CDIN1: variants seen among roughly 807,000 people sequenced by gnomAD.
CDIN1 encodes the protein CDAN1 interacting nuclease 1, also known as CDAN1-interacting nuclease 1.
Under a neutral mutation model 45.3 loss-of-function variants are expected in CDIN1, and 33 were observed. The ratio of observed to expected loss-of-function variants is 0.73; its 90% CI spans 0.55 to 0.97. The LOEUF (loss-of-function observed/expected upper bound fraction) is 0.97, where lower values mean the gene tolerates loss of function less well. CDIN1 is among the 50% of genes least tolerant of loss of function. The probability of loss-of-function intolerance (pLI) is 0.00; values close to 1 mark genes in which losing one functional copy is unlikely to be tolerated. For synonymous variants in CDIN1, 118 were observed against 124.4 expected, an observed-to-expected ratio of 0.95 and a Z score of 0.34; for missense variants, 303 against 339.4, an observed-to-expected ratio of 0.89 and a Z score of 0.84.
intron 10 of CDIN1, among the ~76,000 whole-genome samples, chr15:36,722,001 C>G (rs969736874): frequency 6.6e-6 from 1 of 152,088 alleles, no homozygotes; most frequent in Non-Finnish European, 1.5e-5. Flanking sequence ...TCCCATCACT[C>G]TGGGATTACT....
rs1170380164 is a variant in CDIN1, at chr15:36,800,788, G to A, written c.717-7536G>A. 5.3e-5 allele frequency among the ~76,000 whole-genome samples: 8 copies of A among 150,148 alleles called. No homozygotes were observed. In the Admixed American group the frequency reaches 5.3e-4, roughly 10 times the overall value. ...CACATGTCTGCACACATCCTCAGAA[G>A]ATAGCACAGACCCCACACAGCAACT... is the stretch of plus-strand genomic sequence containing the variant. On this transcript the variant is annotated intron_variant, in intron 10 of 10. Coordinates refer to ENST00000566621, the MANE Select transcript of CDIN1 (RefSeq NM_001321759.2).
intron 10 of CDIN1, among the ~76,000 whole-genome samples, chr15:36,776,228 C>T (rs966948445): frequency 1.2e-4 from 18 of 152,326 alleles, no homozygotes; most frequent in East Asian, 1.9e-4. Flanking sequence ...AGTCTTACCT[C>T]ACAGATTTAG....
intron 1 of CDIN1, among the ~76,000 whole-genome samples, chr15:36,619,564 T>G (rs562650732): frequency 2.3e-4 from 35 of 152,142 alleles, no homozygotes; most frequent in African/African-American, 7.2e-4. Flanking sequence ...TCTATTTTTG[T>G]TTTTGGTTTT....
intron 10 of CDIN1, among the ~76,000 whole-genome samples, chr15:36,786,141 T>C (rs2141069165): frequency 6.6e-6 from 1 of 152,342 alleles, no homozygotes; most frequent in Non-Finnish European, 1.5e-5. Flanking sequence ...TAAGTAAGCA[T>C]GCATGTCCTT....
intron 10 of CDIN1, among the ~76,000 whole-genome samples, chr15:36,753,035 A>C (rs932566538): frequency 3.3e-5 from 5 of 152,170 alleles, no homozygotes; most frequent in South Asian, 2.1e-4. Flanking sequence ...TGAGGTTAAA[A>C]ATGGAATTTC....
intron 10 of CDIN1, among the ~76,000 whole-genome samples, chr15:36,769,973 G>T (rs2054026590): frequency 6.6e-6 from 1 of 152,114 alleles, no homozygotes; most frequent in Admixed American, 6.5e-5. Flanking sequence ...GGGTCAAATG[G>T]ACGATGTCAA....
chr15:36,728,285 C>G (rs141322137), intron 10 of CDIN1, among the ~76,000 whole-genome samples: 1 of 152,180 alleles, frequency 6.6e-6, no homozygotes, highest in Admixed American at 6.5e-5. Flanking sequence ...CTCCCACCCC[C>G]CTACCATTCA....
chr15:36,613,463 G>T, intron 1 of CDIN1: 1 of 1,547,202 alleles, frequency 6.5e-7, no homozygotes, highest in Non-Finnish European at 8.8e-7. Flanking sequence ...CAGTAGCTAG[G>T]TGGGCACCAT....
chr15:36,797,053 C>G (rs1461669344), intron 10 of CDIN1, among the ~76,000 whole-genome samples: 3 of 152,138 alleles, frequency 2.0e-5, no homozygotes, highest in African/African-American at 7.2e-5. Flanking sequence ...GTGCAAAGAT[C>G]ATTTTGTAGA....
At chr15:36,785,166 C>T (rs1043834713) in intron 10 of CDIN1, among the ~76,000 whole-genome samples, 2 of 152,138 alleles carry the variant, frequency 1.3e-5, no homozygotes, top group Admixed American at 1.3e-4. Flanking sequence ...GGAGGATATT[C>T]CCAGCTATTA....
At chr15:36,726,602 C>T (rs1047801817) in intron 10 of CDIN1, among the ~76,000 whole-genome samples, 10 of 152,222 alleles carry the variant, frequency 6.6e-5, no homozygotes, top group Non-Finnish European at 1.3e-4. Flanking sequence ...TTTCACTTAA[C>T]TATTACATGG....
chr15:36,701,114 A>G (rs7497604), intron 8 of CDIN1, among the ~76,000 whole-genome samples: 35 of 117,980 alleles, frequency 3.0e-4, no homozygotes, highest in African/African-American at 4.6e-4. Context: ...AGATAGATAG[A>G]TAGGTAGGTA....
intron 1 of CDIN1, among the ~76,000 whole-genome samples, chr15:36,634,891 A>G (rs1262289512): frequency 2.6e-5 from 4 of 152,114 alleles, no homozygotes; most frequent in African/African-American, 9.7e-5. Flanking sequence ...TCTTTCATCT[A>G]TGAGTAACAT....
chr15:36,680,672 G>T (rs1413685258), intron 5 of CDIN1, among the ~76,000 whole-genome samples: 2 of 152,100 alleles, frequency 1.3e-5, no homozygotes, highest in Non-Finnish European at 2.9e-5. Flanking sequence ...AGCCGGAATT[G>T]AGCTTCCATG....
chr15:36,700,856 CAT>C (rs1382620703), intron 8 of CDIN1, among the ~76,000 whole-genome samples: 1 of 151,880 alleles, frequency 6.6e-6, no homozygotes, highest in Admixed American at 6.6e-5. Flanking sequence ...AGGAGGATCA[CAT>C]GAGGCCAGGA....
At chr15:36,736,402 G>A (rs988968416) in intron 10 of CDIN1, among the ~76,000 whole-genome samples, 3 of 152,056 alleles carry the variant, frequency 2.0e-5, no homozygotes, top group African/African-American at 7.2e-5. Flanking sequence ...CTTTCATGCT[G>A]GTGGCCTCTA....
intron 5 of CDIN1, among the ~76,000 whole-genome samples, chr15:36,681,632 A>G (rs1481463413): frequency 6.6e-6 from 1 of 152,214 alleles, no homozygotes; most frequent in Non-Finnish European, 1.5e-5. Context: ...AATGTCAAAT[A>G]AAATATTAAA....
intron 1 of CDIN1, among the ~76,000 whole-genome samples, chr15:36,624,491 ATGT>A (rs1170821459): frequency 6.6e-6 from 1 of 152,180 alleles, no homozygotes; most frequent in East Asian, 1.9e-4. Flanking sequence ...CATGATGATG[ATGT>A]TGTTTTTAGA....
intron 10 of CDIN1, among the ~76,000 whole-genome samples, chr15:36,723,085 A>T (rs976661527): frequency 6.6e-5 from 10 of 151,884 alleles, no homozygotes; most frequent in Non-Finnish European, 1.3e-4. Context: ...TGACATTGAG[A>T]TATTTCTTGT....
Sources: allele counts gnomAD v4.1 joint callset (sites outside exome capture counted in the v4.1 genomes callset), GRCh38; gene constraint gnomAD v4.1.1; transcripts MANE v1.5; gene names NCBI Gene and HGNC (gene_info 2026-07-23, HGNC 2026-07-21).